Variants in LIN9 observed in about 807,000 individuals in gnomAD.
LIN9 encodes lin-9 DREAM MuvB core complex component, also known as protein lin-9 homolog.
LIN9 carries 18 observed loss-of-function variants against 78.0 expected under a neutral mutation model. The ratio of observed to expected loss-of-function variants is 0.23; its 90% confidence interval spans 0.16 to 0.34. LIN9 has a LOEUF of 0.34. LIN9 is among the 10% of genes least tolerant of loss of function. The probability of loss-of-function intolerance (pLI) is 1.00; values close to 1 mark genes in which losing one functional copy is unlikely to be tolerated. For missense variants in LIN9, 451 were observed against 644.1 expected (o/e 0.70, Z 3.25); for synonymous variants, 192 against 215.2 (o/e 0.89, Z 0.94).
At chr1:226,295,795 T>C in intron 4 of LIN9, 47 bp downstream of exon 4, 1 of 1,156,562 alleles carries the variant, frequency 8.6e-7, no homozygotes, top group Non-Finnish European at 1.3e-6. Flanking sequence ...AGGCTGAGCA[T>C]TTGCTTACTT....
chr1:226,242,355 G>C (rs1658170582), intron 11 of LIN9, among the ~76,000 whole-genome samples: 2 of 152,124 alleles, frequency 1.3e-5, no homozygotes, highest in Admixed American at 1.3e-4. Context: ...CAAATCAGTG[G>C]GAAAGGATGA....
chr1:226,290,867 A>G (rs1178634156), intron 4 of LIN9, among the ~76,000 whole-genome samples: 2 of 148,324 alleles, frequency 1.3e-5, no homozygotes, highest in South Asian at 2.2e-4. Flanking sequence ...ACCTATTCTC[A>G]TGCCTCAGCC....
intron 12 of LIN9, among the ~76,000 whole-genome samples, chr1:226,235,322 C>CAA (rs375690849): frequency 0.55 from 32,781 of 59,690 alleles, 8,491 homozygotes; most frequent in East Asian, 0.64. Context: ...AAATCCGTCT[C>CAA]AAAAAAAAAA....
chr1:226,277,315 T>C (rs1371960427), intron 7 of LIN9, among the ~76,000 whole-genome samples: 2 of 152,198 alleles, frequency 1.3e-5, no homozygotes, highest in East Asian at 3.8e-4. Flanking sequence ...TTAGTTTATA[T>C]TGTAGTAGAT....
In LIN9 at chr1:226,231,338, A is replaced by G. The variant is rs2102815121; in HGVS notation, c.*1163T>C. 1 of 152,712 alleles carries G rather than the reference A, an allele frequency of 6.5e-6. No homozygotes were observed. The highest frequency in any genetic ancestry group is 2.4e-5 in the African/African-American group (1 of 41,584). The allele number at this position is 152,712 out of a possible 1,614,324, so 9.5% of individuals were successfully genotyped here. A position where few individuals can be genotyped will look rare whatever the true frequency, so the allele number is the denominator to read the frequency against. ...TATACAAAAATTTCAAATGGAAAAT[A>G]ATCTTGTTTCAGTTTTATTATACAT... On this transcript the variant is annotated 3_prime_UTR_variant, in exon 15 of 15. Coordinates refer to ENST00000681046, the MANE Select transcript of LIN9 (RefSeq NM_001366245.2).
chr1:226,265,724 C>G lies in LIN9; in HGVS notation c.937-90G>C, dbSNP rs906533054. On this transcript the variant is annotated intron_variant, in intron 9 of 14. Coordinates refer to ENST00000681046, the MANE Select transcript of LIN9 (RefSeq NM_001366245.2). This position sits in a 1 kb window ranked among gnomAD's most constrained non-coding sequence, Gnocchi z 4.1. ...TTTTATTTTTTTTTAGACGGAGTCT[C>G]GCTCTGTTGCCACTTGTGATCTCGG... The G allele has an allele frequency of 1.7e-5, 11 of 659,930 alleles. No individual in the cohort carries two copies. The Admixed American group carries it at 3.2e-4, about 19-fold the overall frequency. 40.9% of individuals were successfully genotyped at this position (659,930 alleles called of 1,614,324 possible). A position where few individuals can be genotyped will look rare whatever the true frequency, so the allele number is the denominator to read the frequency against.
intron 11 of LIN9, among the ~76,000 whole-genome samples, chr1:226,244,289 G>A (rs1459798115): frequency 1.6e-4 from 25 of 151,964 alleles, no homozygotes; most frequent in East Asian, 2.0e-4. Flanking sequence ...AAAATTAGCC[G>A]GGCGCGGTGG....
intron 7 of LIN9, among the ~76,000 whole-genome samples, chr1:226,272,689 T>A (rs1039387251): frequency 6.6e-6 from 1 of 151,994 alleles, no homozygotes. Context: ...TCCTTGCTTC[T>A]AGCCCTCCTA....
chr1:226,270,948 A>T (rs1308358123), intron 7 of LIN9, among the ~76,000 whole-genome samples: 1 of 150,184 alleles, frequency 6.7e-6, no homozygotes, highest in Non-Finnish European at 1.5e-5. Flanking sequence ...TTTTCCATTT[A>T]CTCCTTTAGA....
intron 7 of LIN9, among the ~76,000 whole-genome samples, chr1:226,276,268 C>T (rs1660649602): frequency 6.6e-6 from 1 of 152,198 alleles, no homozygotes; most frequent in African/African-American, 2.4e-5. Flanking sequence ...ATTTCTCTGG[C>T]ATAAATCAGT....
intron 4 of LIN9, among the ~76,000 whole-genome samples, chr1:226,290,485 C>T (rs1047183718): frequency 4.6e-5 from 7 of 151,886 alleles, no homozygotes; most frequent in Admixed American, 1.3e-4. Flanking sequence ...GGACTACAGG[C>T]GCCCGCCACC....
chr1:226,268,183 C>T, intron 7 of LIN9, 93 bp from the exon 8 acceptor site: 1 of 1,227,758 alleles, frequency 8.1e-7, no homozygotes, highest in Non-Finnish European at 1.1e-6. Flanking sequence ...AATCATAGTA[C>T]AGTATTTTGT....
chr1:226,286,371 T>C lies in LIN9; in HGVS notation c.486A>G (p.Glu162=), dbSNP rs142541127. The C allele has an allele frequency of 2.7e-5, 44 of 1,612,594 alleles. No individual in the cohort carries two copies. The highest frequency in any genetic ancestry group is 3.6e-5 in the Non-Finnish European group (43 of 1,179,664). Reference sequence around the variant, plus strand: ...CCATAAGCCGCCGAATTTTTCCCCATTCTACTCTTGTTAACTTTCTTGTTT... The same window carrying C: ...CCATAAGCCGCCGAATTTTTCCCCACTCTACTCTTGTTAACTTTCTTGTTT... ...NLKTRKLTRV[E]WGKIRRLMGK... The change falls in exon 6 of 15, where the codon GAA becomes GAG. Residue 162 remains glutamate (E), a synonymous_variant. Coordinates refer to ENST00000681046, the MANE Select transcript of LIN9 (RefSeq NM_001366245.2).
intron 10 of LIN9, among the ~76,000 whole-genome samples, chr1:226,261,428 G>A (rs1293682415): frequency 1.3e-5 from 2 of 151,680 alleles, no homozygotes; most frequent in African/African-American, 4.8e-5. Flanking sequence ...ACTAATAAGT[G>A]ACTACAGCAA....
intron 11 of LIN9, among the ~76,000 whole-genome samples, chr1:226,246,618 T>TAAAAA (rs759432059): frequency 2.3e-5 from 3 of 131,530 alleles, no homozygotes; most frequent in Non-Finnish European, 3.3e-5. Context: ...CCGTCTCTAC[T>TAAAAA]AAAAAAAAAA....
At chr1:226,276,337 T>G (rs1332518421) in intron 7 of LIN9, among the ~76,000 whole-genome samples, 2 of 152,202 alleles carry the variant, frequency 1.3e-5, no homozygotes, top group East Asian at 1.9e-4. Flanking sequence ...ATGGAGTTTT[T>G]ACAACTAAAC....
chr1:226,293,945 T>A (rs988328334), intron 4 of LIN9, among the ~76,000 whole-genome samples: 1 of 152,238 alleles, frequency 6.6e-6, no homozygotes, highest in African/African-American at 2.4e-5. Context: ...CTGTTTAAAA[T>A]TATCATAAGG....
chr1:226,274,028 G>A (rs1022572391), intron 7 of LIN9, among the ~76,000 whole-genome samples: 7 of 151,892 alleles, frequency 4.6e-5, no homozygotes, highest in Non-Finnish European at 1.5e-5. Context: ...AGTAGAGACA[G>A]GGTTTCACCA....
intron 10 of LIN9, among the ~76,000 whole-genome samples, chr1:226,254,134 T>C (rs1659039338): frequency 1.3e-5 from 2 of 152,112 alleles, no homozygotes; most frequent in African/African-American, 4.8e-5. Flanking sequence ...GGTCTCACTA[T>C]GTTGCCCAGG....
Sources: gnomAD v4.1 joint callset for allele counts (sites outside exome capture counted in the v4.1 genomes callset) on GRCh38, gnomAD v4.1.1 for gene constraint, Gnocchi (gnomAD v3.1) non-coding constraint, MANE v1.5 for transcripts, NCBI Gene and HGNC (gene_info 2026-07-23, HGNC 2026-07-21) for gene names.